The following HPD variants were observed in gnomAD, a reference collection of about 807,000 sequenced individuals.
HPD encodes 4-hydroxyphenylpyruvic acid oxidase.
HPD carries 35 observed loss-of-function variants against 56.9 expected under a neutral mutation model. The observed-to-expected ratio is 0.62, with a 90% CI of 0.47 to 0.82. HPD has a LOEUF of 0.82. Ranked by LOEUF, HPD falls within the 40% of genes least tolerant of loss-of-function variation. HPD has a pLI of 0.00. For synonymous variants in HPD, 186 were observed against 200.2 expected (o/e 0.93, Z 0.60); for missense variants, 442 against 506.8 (o/e 0.87, Z 1.23).
chr12:121,865,583 CAAA>C (rs1185921280), upstream of HPD, among the ~76,000 whole-genome samples: 1 of 131,966 alleles, frequency 7.6e-6, no homozygotes, highest in African/African-American at 2.9e-5. Flanking sequence ...CACTCTCTTT[CAAA>C]AAAAAGGAAA....
Position 121,858,544 on chromosome 12 carries a change from G to A in HPD, c.30+143C>T, listed in dbSNP as rs372563414. On this transcript the variant is annotated intron_variant, in intron 2 of 13. Coordinates refer to ENST00000289004, the MANE Select transcript of HPD (RefSeq NM_002150.3). ...CAGCTCAGTCTCGGGGAGCCCCGGG[G>A]GTAAAGCTGAGTGTGCAGGCATGCA... 1.2e-4 allele frequency: 101 copies of A among 863,126 alleles called. No homozygotes were observed. The African/African-American group carries it at 1.4e-3, about 12-fold the overall frequency. 53.5% of individuals were successfully genotyped at this position (863,126 alleles called of 1,614,324 possible).
the HPD span, among the ~76,000 whole-genome samples, chr12:121,877,995 C>A: frequency 6.6e-6 from 1 of 152,108 alleles, no homozygotes; most frequent in East Asian, 1.9e-4. Context: ...ACCCACAGTG[C>A]AGACTGGTGG....
rs780700651 is a variant in HPD at position 121,846,811 on chromosome 12, G to A, written c.831+51C>T. On this transcript the variant is annotated intron_variant, in intron 11 of 13. Coordinates refer to ENST00000289004, the MANE Select transcript of HPD (RefSeq NM_002150.3). ...CCGCCCTCTCAATTTTGCAGAGATC[G>A]TCCCTGGCTCTGAATGAGAGAGGAA... is the stretch of plus-strand genomic sequence containing the variant. 5.8e-5 allele frequency: 91 copies of A among 1,576,854 alleles called. 1 individual carries two copies. The highest frequency in any genetic ancestry group is 2.5e-4 in the Admixed American group (15 of 59,460).
At chr12:121,859,142 C>T (rs919818321), upstream of HPD, 1 of 442,236 alleles carries the variant, frequency 2.3e-6, no homozygotes, top group African/African-American at 2.0e-5. Flanking sequence ...GAATCCAAAG[C>T]TCAGAAGCCA....
At chr12:121,862,746 T>A (rs1476744341), upstream of HPD, among the ~76,000 whole-genome samples, 1 of 131,738 alleles carries the variant, frequency 7.6e-6, no homozygotes, top group Non-Finnish European at 1.6e-5. Context: ...AATGGTGCAA[T>A]CTCGGCTCAC....
chr12:121,869,292 G>C, the HPD span, among the ~76,000 whole-genome samples: 1 of 150,534 alleles, frequency 6.6e-6, no homozygotes, highest in African/African-American at 2.5e-5. Context: ...GGAGGTTGCA[G>C]TGAGCCAGGA....
At chr12:121,879,275 C>CTAAA in the HPD span, among the ~76,000 whole-genome samples, 1 of 149,036 alleles carries the variant, frequency 6.7e-6, no homozygotes, top group East Asian at 2.0e-4. Flanking sequence ...GAAAATCTGT[C>CTAAA]TAAATAAATA....
intron 7 of HPD, among the ~76,000 whole-genome samples, chr12:121,854,247 C>T (rs1877912644): frequency 6.6e-6 from 1 of 152,182 alleles, no homozygotes; most frequent in Non-Finnish European, 1.5e-5. Flanking sequence ...CAGAGCGAGA[C>T]TCCATCTTTA....
At chr12:121,875,025 G>A in the HPD span, among the ~76,000 whole-genome samples, 3 of 152,174 alleles carry the variant, frequency 2.0e-5, no homozygotes, top group South Asian at 6.2e-4. Flanking sequence ...CTCCCAAAGT[G>A]CTGGGATTAC....
upstream of HPD, among the ~76,000 whole-genome samples, chr12:121,862,582 CCACCGCTCTCGGCCTT>C (rs2137640149): frequency 3.0e-5 from 4 of 134,718 alleles, no homozygotes; most frequent in African/African-American, 1.2e-4. Context: ...CAGGCGTGAG[CCACCGCTCTCGGCCTT>C]TTTTTTTTTT....
chr12:121,849,153 A>G, intron 8 of HPD, 77 bp from the exon 9 acceptor site: 1 of 853,122 alleles, frequency 1.2e-6, no homozygotes, highest in East Asian at 2.4e-5. Context: ...CCTCAATAAT[A>G]ATAATAGCTC....
At chr12:121,864,603 C>T (rs7969671), upstream of HPD, among the ~76,000 whole-genome samples, 49,916 of 149,944 alleles carry the variant, frequency 0.33, 8,661 homozygotes, top group Middle Eastern at 0.4. Flanking sequence ...TCTGTAATCC[C>T]AGCACTTTGG....
At chr12:121,879,482 G>GTTCGCTTCTC in the HPD span, among the ~76,000 whole-genome samples, 1 of 147,894 alleles carries the variant, frequency 6.8e-6, no homozygotes, top group South Asian at 2.2e-4. Flanking sequence ...TTTCTCTTCT[G>GTTCGCTTCTC]TTCTCTTCTC....
chr12:121,854,467 C>A (rs1877919670), intron 7 of HPD, among the ~76,000 whole-genome samples: 2 of 152,138 alleles, frequency 1.3e-5, no homozygotes, highest in South Asian at 2.1e-4. Context: ...AGAGCCCCTG[C>A]CTTCACCCCC....
At chr12:121,873,899 C>T in the HPD span, among the ~76,000 whole-genome samples, 1 of 152,104 alleles carries the variant, frequency 6.6e-6, no homozygotes, top group Non-Finnish European at 1.5e-5. Flanking sequence ...CAGAGGATCG[C>T]TTCTGTCCAG....
upstream of HPD, among the ~76,000 whole-genome samples, chr12:121,863,353 G>T (rs1010193262): frequency 5.7e-4 from 87 of 152,268 alleles, no homozygotes; most frequent in African/African-American, 2.1e-3. Context: ...GCCGAGAGAG[G>T]GTACATCACA....
upstream of HPD, among the ~76,000 whole-genome samples, chr12:121,866,214 T>C (rs1296311262): frequency 6.7e-6 from 1 of 149,864 alleles, no homozygotes; most frequent in South Asian, 2.1e-4. Flanking sequence ...GGCAGGAGAA[T>C]GGTGTGAACT....
At chr12:121,859,371 T>C (rs11043218), upstream of HPD, among the ~76,000 whole-genome samples, 51,601 of 151,912 alleles carry the variant, frequency 0.34, 9,072 homozygotes, top group Middle Eastern at 0.42. Flanking sequence ...AAAACAGGAA[T>C]GAGAATAGTG....
At chr12:121,878,330 C>T in the HPD span, among the ~76,000 whole-genome samples, 313 of 152,212 alleles carry the variant, frequency 2.1e-3, no homozygotes, top group Non-Finnish European at 3.3e-3. Context: ...GTTTAACCAG[C>T]TCAGCTATGT....
Sources: gnomAD v4.1 joint callset for allele counts (sites outside exome capture counted in the v4.1 genomes callset) on GRCh38, gnomAD v4.1.1 for gene constraint, MANE v1.5 for transcripts, NCBI Gene and HGNC (gene_info 2026-07-23, HGNC 2026-07-21) for gene names.